PTDSS1: variants seen among roughly 807,000 people sequenced by gnomAD.
The protein encoded by PTDSS1 is phosphatidylserine synthase 1, also known as PSS-1.
In PTDSS1, 45 loss-of-function variants were observed where a neutral mutation model predicts 70.5. The observed-to-expected ratio is 0.64, with a 90% confidence interval of 0.50 to 0.82. The LOEUF (loss-of-function observed/expected upper bound fraction) is 0.82, where lower values mean the gene tolerates loss of function less well. Among genes scored for constraint, PTDSS1 ranks in the 40% least tolerant of loss-of-function variants. The probability of loss-of-function intolerance (pLI) is 0.00; values close to 1 mark genes in which losing one functional copy is unlikely to be tolerated. For synonymous variants in PTDSS1, 188 were observed against 203.8 expected (o/e 0.92, Z 0.66); for missense variants, 417 against 586.1 (o/e 0.71, Z 2.98).
At position 96,273,389 on chromosome 8, in the gene PTDSS1, T is replaced by C. The variant is rs11991068; in HGVS notation, c.270T>C (p.Asn90=). The change falls in exon 2 of 13, where the codon AAT becomes AAC. Residue 90 remains asparagine (N), a splice_region_variant and synonymous_variant. Transcript: ENST00000517309. ...FLIISVLAFP[N]GPFTRPHPAL... is the part of the protein sequence containing the mutation. ...TCATCAGTGTGTTAGCTTTCCCCAA[T>C]GGTAAGTAATGTCATGCATTACCAC... 3,230 of 1,603,590 alleles carry C rather than the reference T, an allele frequency of 2.0e-3. 63 individuals carry two copies. The African/African-American group carries it at 0.039, about 19-fold the overall frequency.
At chr8:96,332,535 G>A (rs191110798) in intron 12 of PTDSS1, among the ~76,000 whole-genome samples, 12 of 152,290 alleles carry the variant, frequency 7.9e-5, no homozygotes, top group Middle Eastern at 3.4e-3. Context: ...ATCAGTGAGC[G>A]GCCCGTTGTG....
At chr8:96,320,950 AC>A (rs1811365800) in intron 10 of PTDSS1, among the ~76,000 whole-genome samples, 1 of 152,212 alleles carries the variant, frequency 6.6e-6, no homozygotes, top group Non-Finnish European at 1.5e-5. Flanking sequence ...GTAAGATAGT[AC>A]CCACTTACAC....
At chr8:96,330,731 G>A (rs1241133215) in intron 11 of PTDSS1, 4 of 421,568 alleles carry the variant, frequency 9.5e-6, no homozygotes, top group Non-Finnish European at 1.7e-5. Context: ...AAGACACGAT[G>A]GCCGTCTGGT....
chr8:96,326,351 C>T (rs1346576056), intron 10 of PTDSS1, among the ~76,000 whole-genome samples: 2 of 150,932 alleles, frequency 1.3e-5, no homozygotes, highest in African/African-American at 5.0e-5. Flanking sequence ...GTTCTAACCC[C>T]AGTGCAGTGG....
At chr8:96,325,406 TG>T (rs1424294965) in intron 10 of PTDSS1, among the ~76,000 whole-genome samples, 1 of 152,216 alleles carries the variant, frequency 6.6e-6, no homozygotes, top group Non-Finnish European at 1.5e-5. Context: ...ACAGACATGC[TG>T]GGGGTTGGTG....
intron 10 of PTDSS1, among the ~76,000 whole-genome samples, chr8:96,327,920 T>A (rs1811461015): frequency 6.6e-6 from 1 of 152,176 alleles, no homozygotes; most frequent in East Asian, 1.9e-4. Flanking sequence ...GTGCCTAGAT[T>A]TCCACAGGTG....
intron 1 of PTDSS1, among the ~76,000 whole-genome samples, chr8:96,266,682 C>T (rs908965469): frequency 4.6e-5 from 7 of 152,210 alleles, no homozygotes; most frequent in Non-Finnish European, 8.8e-5. Context: ...ATGTTAAATG[C>T]TCATCTATAG....
intron 10 of PTDSS1, among the ~76,000 whole-genome samples, chr8:96,328,998 G>A (rs1007314569): frequency 5.3e-5 from 8 of 152,190 alleles, no homozygotes; most frequent in African/African-American, 1.7e-4. Context: ...CGGCTCCAAT[G>A]TTCACCTCTC....
chr8:96,284,873 AG>A (rs1810800003), intron 3 of PTDSS1, among the ~76,000 whole-genome samples: 1 of 152,218 alleles, frequency 6.6e-6, no homozygotes, highest in Admixed American at 6.5e-5. Flanking sequence ...CAGAGCTTCT[AG>A]GTAACTCTTA....
rs766604422 is a variant in PTDSS1 at position 96,333,656 on chromosome 8, C to T, written c.*90C>T. 24 of 1,253,438 alleles carry T rather than the reference C, an allele frequency of 1.9e-5. No individual in the cohort carries two copies. In the African/African-American group the frequency reaches 2.5e-4, roughly 13 times the overall value. 77.6% of individuals were successfully genotyped at this position (1,253,438 alleles called of 1,614,324 possible). ...GGAACTCCCCGTGAGGAGGTCGAGG[C>T]GCACAGGGCAAGCAGGAAGAGGCGA... On this transcript the variant is annotated 3_prime_UTR_variant, in exon 13 of 13. Coordinates refer to ENST00000517309, the MANE Select transcript of PTDSS1 (RefSeq NM_014754.3).
chr8:96,296,403 G>A (rs912172881), intron 5 of PTDSS1, among the ~76,000 whole-genome samples: 1 of 152,116 alleles, frequency 6.6e-6, no homozygotes, highest in Admixed American at 6.5e-5. Flanking sequence ...CTCCCAAAGT[G>A]CTGGGATTAC....
In PTDSS1 at chr8:96,262,057, G is replaced by A. The variant is rs1394655724; in HGVS notation, c.17G>A (p.Gly6Glu). 6.2e-7 allele frequency: 1 copy of A among 1,613,072 alleles called. No individual in the cohort carries two copies. Among genetic ancestry groups the A allele is most frequent in the East Asian group, 2.2e-5 (1 of 44,800 alleles). Residue 6 changes from glycine to glutamate, a missense_variant, in exon 1 of 13, where the codon GGG becomes GAG. Physicochemically the swap from Gly to Glu is moderately conservative, Grantham distance 98. Transcript: ENST00000517309. The surrounding 1 kb of genome is among the most constrained non-coding windows in gnomAD (Gnocchi z 4.4). MASCV[G>E]SRTLSKDDVN... Reference sequence around the variant, plus strand: ...AGGCGGGCCATGGCGTCCTGCGTGGGGAGCCGGACCCTAAGCAAGGATGAT... The same window carrying A: ...AGGCGGGCCATGGCGTCCTGCGTGGAGAGCCGGACCCTAAGCAAGGATGAT...
intron 5 of PTDSS1, among the ~76,000 whole-genome samples, chr8:96,295,746 T>C (rs1385398425): frequency 2.0e-5 from 3 of 152,240 alleles, no homozygotes; most frequent in Non-Finnish European, 2.9e-5. Context: ...AAAAGAGTTA[T>C]AGTCTTGAAA....
intron 9 of PTDSS1, among the ~76,000 whole-genome samples, chr8:96,310,918 A>G (rs1811202787): frequency 6.6e-6 from 1 of 151,970 alleles, no homozygotes. Flanking sequence ...GGCGCGTGCC[A>G]CCACACCCAG....
At chr8:96,277,699 G>T (rs901758623) in intron 2 of PTDSS1, among the ~76,000 whole-genome samples, 2 of 152,214 alleles carry the variant, frequency 1.3e-5, no homozygotes, top group African/African-American at 4.8e-5. Flanking sequence ...GCCAAAAGTG[G>T]ATTGTGTCCA....
chr8:96,267,756 T>C (rs1308625287), intron 1 of PTDSS1, among the ~76,000 whole-genome samples: 2 of 152,104 alleles, frequency 1.3e-5, no homozygotes, highest in Non-Finnish European at 2.9e-5. Context: ...GTAAGTCTAC[T>C]TTCCCACCTC....
rs147939351 is a variant in PTDSS1, at chr8:96,275,596, A to G, written c.271+2206A>G. Among the ~76,000 whole-genome samples the G allele has an allele frequency of 2.1e-3, 320 of 152,340 alleles. 1 individual carries two copies. Among genetic ancestry groups the G allele is most frequent in the African/African-American group, 7.4e-3 (306 of 41,578 alleles). On this transcript the variant is annotated intron_variant, in intron 2 of 12. Coordinates refer to ENST00000517309, the MANE Select transcript of PTDSS1 (RefSeq NM_014754.3). ...AGTGCCGTATTGTATATGATATGGC[A>G]TAAGTGGCCAGCCAAGGGTGGGTTC...
rs771551605 is a variant in PTDSS1 at position 96,333,636 on chromosome 8, T to C, written c.*70T>C. 6.8e-6 allele frequency: 10 copies of C among 1,463,650 alleles called. No individual in the cohort carries two copies. Among genetic ancestry groups the C allele is most frequent in the Non-Finnish European group, 9.6e-6 (10 of 1,044,006 alleles). 90.7% of individuals were successfully genotyped at this position (1,463,650 alleles called of 1,614,324 possible). On this transcript the variant is annotated 3_prime_UTR_variant, in exon 13 of 13. Transcript: ENST00000517309. ...GAGGGAAATGGAACTCATTTGGAAC[T>C]CCCCGTGAGGAGGTCGAGGCGCACA... is the stretch of plus-strand genomic sequence containing the variant.
At chr8:96,317,031 G>GTT (rs1404006204) in intron 9 of PTDSS1, among the ~76,000 whole-genome samples, 1 of 27,282 alleles carries the variant, frequency 3.7e-5, no homozygotes, top group Non-Finnish European at 1.1e-4. Context: ...ATATATATGT[G>GTT]TCTATATATA....
Sources: gnomAD v4.1 joint callset for allele counts (sites outside exome capture counted in the v4.1 genomes callset) on GRCh38, gnomAD v4.1.1 for gene constraint, Gnocchi (gnomAD v3.1) non-coding constraint, MANE v1.5 for transcripts, NCBI Gene and HGNC (gene_info 2026-07-23, HGNC 2026-07-21) for gene names.